Variants in TMEM63C observed in about 807,000 individuals in gnomAD.
The protein encoded by TMEM63C is transmembrane protein 63C.
In TMEM63C, 32 loss-of-function variants were observed where a neutral mutation model predicts 99.2. The ratio of observed to expected loss-of-function variants is 0.32; its 90% CI spans 0.24 to 0.43. The LOEUF (loss-of-function observed/expected upper bound fraction) is 0.43. Ranked by LOEUF, TMEM63C falls within the 20% of genes least tolerant of loss-of-function variation. The probability of loss-of-function intolerance (pLI) is 1.00; values close to 1 mark genes in which losing one functional copy is unlikely to be tolerated. For synonymous variants in TMEM63C, 376 were observed against 397.9 expected (o/e 0.94, Z 0.66); for missense variants, 826 against 1,053.0 (o/e 0.78, Z 2.98).
intron 1 of TMEM63C, among the ~76,000 whole-genome samples, chr14:77,205,725 G>A (rs537410600): frequency 1.1e-3 from 160 of 152,324 alleles, no homozygotes; most frequent in African/African-American, 3.8e-3. Flanking sequence ...AGCTGGGGGA[G>A]GTGAGACTGG....
Position 77,256,942 on chromosome 14 carries a change from G to A in TMEM63C, c.*216G>A. On this transcript the variant is annotated 3_prime_UTR_variant, in exon 24 of 24. Coordinates refer to ENST00000298351, the MANE Select transcript of TMEM63C (RefSeq NM_020431.4). ...TGCTCGGCAGTGCTGAAGGAGCCTG[G>A]GAAGGGATGGGAGGATACAGGCAAG... The A allele has an allele frequency of 1.7e-6, 1 of 572,378 alleles. No individual in the cohort carries two copies. The highest frequency in any genetic ancestry group is 2.2e-5 in the South Asian group (1 of 45,832). 35.5% of individuals were successfully genotyped at this position (572,378 alleles called of 1,614,324 possible).
chr14:77,201,765 G>C (rs1423589422), intron 1 of TMEM63C, among the ~76,000 whole-genome samples: 1 of 152,238 alleles, frequency 6.6e-6, no homozygotes, highest in Non-Finnish European at 1.5e-5. Flanking sequence ...TAACACCAAA[G>C]AGGAGAGGAA....
In TMEM63C at chr14:77,258,033, C is replaced by G. The variant is rs987364438; in HGVS notation, c.*1307C>G. 1.3e-5 allele frequency: 2 copies of G among 152,338 alleles called. No homozygotes were observed. Among genetic ancestry groups the G allele is most frequent in the African/African-American group, 4.8e-5 (2 of 41,456 alleles). The allele number at this position is 152,338 out of a possible 1,614,324, so 9.4% of individuals were successfully genotyped here. ...AATTCCGAACAGTGATGGTGACACTCAGCACCTTTGCCACAGCCGGGGGGA... is the reference window on the plus strand; with the variant it reads ...AATTCCGAACAGTGATGGTGACACTGAGCACCTTTGCCACAGCCGGGGGGA... On this transcript the variant is annotated 3_prime_UTR_variant, in exon 24 of 24. Coordinates refer to ENST00000298351, the MANE Select transcript of TMEM63C (RefSeq NM_020431.4).
intron 21 of TMEM63C, among the ~76,000 whole-genome samples, chr14:77,251,241 A>G (rs1889353703): frequency 6.6e-6 from 1 of 152,252 alleles, no homozygotes; most frequent in African/African-American, 2.4e-5. Flanking sequence ...TGCAGTAAGC[A>G]TCATTAAGCA....
intron 1 of TMEM63C, among the ~76,000 whole-genome samples, chr14:77,200,364 C>T (rs534509468): frequency 4.7e-4 from 71 of 152,324 alleles, no homozygotes; most frequent in African/African-American, 1.6e-3. Flanking sequence ...CTCAGCCCCT[C>T]GGCACAGCCT....
intron 15 of TMEM63C, among the ~76,000 whole-genome samples, chr14:77,243,819 C>T (rs1165047905): frequency 6.6e-6 from 1 of 152,126 alleles, no homozygotes; most frequent in Non-Finnish European, 1.5e-5. Flanking sequence ...CACACGCACA[C>T]ATGCACAGTC....
intron 4 of TMEM63C, 63 bp from the exon 5 acceptor site, chr14:77,219,943 A>T (rs1888659839): frequency 1.8e-5 from 26 of 1,472,736 alleles, no homozygotes; most frequent in African/African-American, 2.8e-5. Flanking sequence ...GGGAGGGAGC[A>T]GGGCAGGCAG....
chr14:77,186,467 G>A (rs1020711768), intron 1 of TMEM63C, among the ~76,000 whole-genome samples: 2 of 152,182 alleles, frequency 1.3e-5, no homozygotes, highest in African/African-American at 4.8e-5. Context: ...ACTTTGGGGG[G>A]CCTAGGAGGG....
intron 23 of TMEM63C, among the ~76,000 whole-genome samples, chr14:77,255,053 C>A (rs1014414597): frequency 2.0e-5 from 3 of 152,200 alleles, no homozygotes; most frequent in Admixed American, 6.5e-5. Flanking sequence ...TGAAGTGGCA[C>A]CATCTTGGCT....
At chr14:77,195,913 G>C (rs1003331742) in intron 1 of TMEM63C, among the ~76,000 whole-genome samples, 1 of 152,210 alleles carries the variant, frequency 6.6e-6, no homozygotes, top group Non-Finnish European at 1.5e-5. Flanking sequence ...CCCCATCACA[G>C]CTCCCCAAGG....
chr14:77,255,667 T>G (rs1269420319), intron 23 of TMEM63C, among the ~76,000 whole-genome samples: 1 of 152,202 alleles, frequency 6.6e-6, no homozygotes, highest in East Asian at 1.9e-4. Context: ...CAATTTACAC[T>G]CAGAGAGATG....
chr14:77,236,333 T>G (rs1452314403), intron 8 of TMEM63C, among the ~76,000 whole-genome samples: 1 of 4,924 alleles, frequency 2.0e-4, no homozygotes. Context: ...CTGTGATGGG[T>G]GGGGGTATGG....
chr14:77,248,966 G>A, intron 20 of TMEM63C, 94 bp downstream of exon 20: 1 of 1,235,516 alleles, frequency 8.1e-7, no homozygotes, highest in South Asian at 1.2e-5. Context: ...CCTGGAGCAT[G>A]GGGAGACCTG....
chr14:77,253,259 G>A, intron 22 of TMEM63C, 46 bp from the exon 23 acceptor site: 1 of 1,573,000 alleles, frequency 6.4e-7, no homozygotes, highest in Non-Finnish European at 8.7e-7. Context: ...AATGGGGAGG[G>A]GCAAAGAGCA....
At chr14:77,251,758 C>G (rs1375399908) in intron 21 of TMEM63C, 31 bp from the exon 22 acceptor site, 1 of 1,585,690 alleles carries the variant, frequency 6.3e-7, no homozygotes, top group East Asian at 2.2e-5. Context: ...CTGGCAGACT[C>G]CTGCCCATGA....
chr14:77,253,328 A>C lies in TMEM63C; in HGVS notation c.2172A>C (p.Thr724=), dbSNP rs1594871352. 1 of 1,613,224 alleles carries C rather than the reference A, an allele frequency of 6.2e-7. No homozygotes were observed. The change falls in exon 23 of 24, where the codon ACA becomes ACC. Residue 724 remains threonine (T), a synonymous_variant. Transcript: ENST00000298351. The part of the protein sequence containing the change: ...DYEPEEEEIQ[T]VFDMEPSSTS... ...AGCCCGAGGAGGAGGAGATCCAGAC[A>C]GTGTTTGACATGGAGCCAAGCAGCA...
intron 6 of TMEM63C, 60 bp from the exon 7 acceptor site, chr14:77,231,528 G>A (rs1462340121): frequency 4.3e-5 from 66 of 1,535,652 alleles, no homozygotes; most frequent in East Asian, 1.5e-4. Flanking sequence ...CTACCTCCCC[G>A]CAACAAGTGG....
In TMEM63C at chr14:77,257,629, G is replaced by T. The variant is rs11847091; in HGVS notation, c.*903G>T. ...CCCAGGGCCTAAAGAGAAGACCCCC[G>T]AAGCCAAAGATGTGGCCACTTAAAA... On this transcript the variant is annotated 3_prime_UTR_variant, in exon 24 of 24. Coordinates refer to ENST00000298351, the MANE Select transcript of TMEM63C (RefSeq NM_020431.4). The T allele has an allele frequency of 0.21, 32,235 of 152,156 alleles. 4,313 individuals are homozygous for T. Among genetic ancestry groups the T allele is most frequent in the South Asian group, 0.28 (1,365 of 4,822 alleles). The allele number at this position is 152,156 out of a possible 1,614,324, so 9.4% of individuals were successfully genotyped here. A position where few individuals can be genotyped will look rare whatever the true frequency, so the allele number is the denominator to read the frequency against.
intron 8 of TMEM63C, among the ~76,000 whole-genome samples, chr14:77,235,307 G>A (rs1279955563): frequency 2.0e-5 from 3 of 148,726 alleles, no homozygotes; most frequent in Non-Finnish European, 4.5e-5. Context: ...GGGAGGGGAG[G>A]GTCTGAGAAG....
Sources: gnomAD v4.1 joint callset for allele counts (sites outside exome capture counted in the v4.1 genomes callset) on GRCh38, gnomAD v4.1.1 for gene constraint, MANE v1.5 for transcripts, NCBI Gene and HGNC (gene_info 2026-07-23, HGNC 2026-07-21) for gene names.